The following MESP1 variants were observed in gnomAD, a reference collection of about 807,000 sequenced individuals.
MESP1 encodes mesoderm posterior bHLH transcription factor 1, also known as mesoderm posterior protein 1.
Under a neutral mutation model 15.2 loss-of-function variants are expected in MESP1, and 22 were observed. The observed-to-expected ratio is 1.45, with a 90% CI of 1.04 to 2.07. The LOEUF (loss-of-function observed/expected upper bound fraction) is 2.07, where lower values mean the gene tolerates loss of function less well. Ranked by LOEUF, MESP1 falls within the 30% of genes most tolerant of loss-of-function variation. MESP1 has a pLI of 0.00. For synonymous variants in MESP1, 216 were observed against 192.6 expected (o/e 1.12, Z -1.01); for missense variants, 484 against 411.9 (o/e 1.17, Z -1.51).
chr15:89,733,242 G>C, the MESP1 span: 4 of 1,601,660 alleles, frequency 2.5e-6, no homozygotes, highest in South Asian at 4.4e-5. Context: ...AGGGTGGGAC[G>C]GGGTAAATAA....
At position 89,751,084 on chromosome 15, in the gene MESP1, T is replaced by C; in HGVS notation, c.148A>G (p.Ser50Gly). 1.5e-6 allele frequency: 2 copies of C among 1,321,404 alleles called. No individual in the cohort carries two copies. The highest frequency in any genetic ancestry group is 1.9e-6 in the Non-Finnish European group (2 of 1,040,572). The allele number at this position is 1,321,404 out of a possible 1,614,324, so 81.9% of individuals were successfully genotyped here. The change falls in exon 1 of 2, where the codon AGC becomes GGC. Residue 50 changes from serine to glycine, a missense_variant. Physicochemically the swap from Ser to Gly is moderately conservative, Grantham distance 56. Coordinates refer to ENST00000300057, the MANE Select transcript of MESP1 (RefSeq NM_018670.4). ...GGCCGCGCGGGGCTCGCCACGGGGC[T>C]GTCGGCTGGGGTGCTGCCCCATGAG... ...PDSWGSTPAD[S>G]PVASPARPGT... is the part of the protein sequence containing the mutation.
the MESP1 span, among the ~76,000 whole-genome samples, chr15:89,733,843 C>T: frequency 6.6e-6 from 1 of 152,168 alleles, no homozygotes; most frequent in Non-Finnish European, 1.5e-5. Flanking sequence ...TTATAAGCAA[C>T]AGAAAATGGA....
chr15:89,750,989 G>A lies in MESP1; in HGVS notation c.243C>T (p.Ser81=). ...GCTCACTGGCGCTCTGCCTCTGCCC[G>A]CTGCCCAGGCGGCTGCTGCGCGCGC... ...RRGARSSRLG[S]GQRQSASERE... Residue 81 remains serine (S), a synonymous_variant, in exon 1 of 2, where the codon AGC becomes AGT. Transcript: ENST00000300057. The A allele has an allele frequency of 7.1e-7, 1 of 1,400,036 alleles. No individual in the cohort carries two copies. Among genetic ancestry groups the A allele is most frequent in the South Asian group, 1.6e-5 (1 of 63,988 alleles). 86.7% of individuals were successfully genotyped at this position (1,400,036 alleles called of 1,614,324 possible).
downstream of MESP1, chr15:89,748,968 GGGA>G (rs1567140311): frequency 6.6e-6 from 1 of 152,132 alleles, no homozygotes; most frequent in Non-Finnish European, 1.5e-5. Context: ...AGGAGAGGAG[GGGA>G]GAACTGGGTA....
At chr15:89,745,818 C>G (rs1967929343), downstream of MESP1, among the ~76,000 whole-genome samples, 1 of 151,884 alleles carries the variant, frequency 6.6e-6, no homozygotes, top group South Asian at 2.1e-4. The surrounding 1 kb of genome is among the most constrained non-coding windows in gnomAD (Gnocchi z 4.8). Context: ...TAGAGCAAGG[C>G]ATACCAATGC....
chr15:89,732,924 C>T, the MESP1 span: 1 of 1,313,444 alleles, frequency 7.6e-7, no homozygotes, highest in Non-Finnish European at 1.1e-6. Context: ...GTCCCTCACA[C>T]ACTTGCTGGT....
chr15:89,738,165 G>A, the MESP1 span: 1 of 1,614,188 alleles, frequency 6.2e-7, no homozygotes, highest in Non-Finnish European at 8.5e-7. Flanking sequence ...TTCCTCAAAG[G>A]GACTTGGATA....
Position 89,750,098 on chromosome 15 carries a change from G to A in MESP1, c.*46C>T, listed in dbSNP as rs369344953. The A allele has an allele frequency of 1.9e-6, 3 of 1,581,010 alleles. No homozygotes were observed. The highest frequency in any genetic ancestry group is 1.7e-4 in the Middle Eastern group (1 of 6,038). ...AAGGAACCACTTCGAAGGTGCTGAG[G>A]CCAAAAAGCCTCGGTGCTCACAGAG... On this transcript the variant is annotated 3_prime_UTR_variant, in exon 2 of 2. Transcript: ENST00000300057.
At chr15:89,747,867 GCTA>G (rs1201563816), downstream of MESP1, among the ~76,000 whole-genome samples, 5 of 152,222 alleles carry the variant, frequency 3.3e-5, no homozygotes, top group African/African-American at 1.2e-4. Flanking sequence ...CTGGACGCTG[GCTA>G]CTGTTGTCGG....
At chr15:89,743,172 T>A in the MESP1 span, 1 of 927,158 alleles carries the variant, frequency 1.1e-6, no homozygotes, top group Non-Finnish European at 1.7e-6. Flanking sequence ...ACAGAGGCGA[T>A]GCAGGTGTGT....
chr15:89,750,837 T>C lies in MESP1; in HGVS notation c.395A>G (p.Tyr132Cys). The change falls in exon 1 of 2, where the codon TAT becomes TGT. Residue 132 changes from tyrosine (Y) to cysteine (C), a missense_variant. Tyr to Cys is a radical substitution (Grantham distance 194). Coordinates refer to ENST00000300057, the MANE Select transcript of MESP1 (RefSeq NM_018670.4). ...KIETLRLAIR[Y>C]IGHLSAVLGL... ...TAGCACGGCCGACAGGTGGCCGATA[T>C]AGCGGATAGCCAGGCGCAGCGTCTC... 6.5e-7 allele frequency: 1 copy of C among 1,532,264 alleles called. No individual in the cohort carries two copies. The allele number at this position is 1,532,264 out of a possible 1,614,324, so 94.9% of individuals were successfully genotyped here.
the MESP1 span, among the ~76,000 whole-genome samples, chr15:89,741,726 A>G: frequency 1.3e-5 from 2 of 152,082 alleles, no homozygotes; most frequent in Admixed American, 1.3e-4. Flanking sequence ...ATAACCGGTT[A>G]TATAAATCTA....
rs774948264 is a variant in MESP1, at chr15:89,750,804, C to G, written c.428G>C (p.Ser143Thr). ...IGHLSAVLGL[S>T]EESLQRRCRQ... ...GCACCGGCGCTGGAGACTCTCCTCG[C>G]TGAGGCCTAGCACGGCCGACAGGTG... Residue 143 changes from serine (S) to threonine (T), a missense_variant, in exon 1 of 2, where the codon AGC becomes ACC. Transcript: ENST00000300057. The G allele has an allele frequency of 2.9e-5, 45 of 1,526,256 alleles. 1 individual carries two copies. The Middle Eastern group carries it at 8.5e-4, about 29-fold the overall frequency. The allele number at this position is 1,526,256 out of a possible 1,614,324, so 94.5% of individuals were successfully genotyped here.
chr15:89,733,235 G>A, the MESP1 span: 1 of 1,605,626 alleles, frequency 6.2e-7, no homozygotes, highest in Non-Finnish European at 8.5e-7. Context: ...TAGCTTGAGG[G>A]TGGGACGGGG....
chr15:89,746,568 G>A (rs1447781458), downstream of MESP1, among the ~76,000 whole-genome samples: 1 of 96,850 alleles, frequency 1.0e-5, no homozygotes, highest in Non-Finnish European at 2.1e-5. Flanking sequence ...CATACACACA[G>A]CCCTGCCTCC....
chr15:89,750,017 G>T lies in MESP1; in HGVS notation c.*127C>A. On this transcript the variant is annotated 3_prime_UTR_variant, in exon 2 of 2. Coordinates refer to ENST00000300057, the MANE Select transcript of MESP1 (RefSeq NM_018670.4). The stretch of plus-strand genomic sequence containing the variant: ...GCCGCGGTGGGGACGGCTCTCACCC[G>T]CAGGAATGCCCCCGTCGGGATCGCC... 2 of 924,660 alleles carry T rather than the reference G, an allele frequency of 2.2e-6. No homozygotes were observed. The highest frequency in any genetic ancestry group is 3.5e-6 in the Non-Finnish European group (2 of 571,380). The allele number at this position is 924,660 out of a possible 1,614,324, so 57.3% of individuals were successfully genotyped here.
downstream of MESP1, among the ~76,000 whole-genome samples, chr15:89,745,832 G>A (rs1443169539): frequency 6.6e-6 from 1 of 151,126 alleles, no homozygotes; most frequent in Non-Finnish European, 1.5e-5. This position sits in a 1 kb window ranked among gnomAD's most constrained non-coding sequence, Gnocchi z 4.8. Context: ...CCAATGCCCA[G>A]GTGCAGCATC....
chr15:89,735,641 T>C, the MESP1 span: 35 of 1,385,840 alleles, frequency 2.5e-5, no homozygotes, highest in Non-Finnish European at 3.3e-5. Flanking sequence ...AAAATGCTTA[T>C]TGAAGGCCTG....
At chr15:89,748,462 A>C (rs1313715940), downstream of MESP1, among the ~76,000 whole-genome samples, 1 of 152,226 alleles carries the variant, frequency 6.6e-6, no homozygotes, top group East Asian at 1.9e-4. Flanking sequence ...CCCGGGCCGG[A>C]GTACTGGAAG....
Sources: allele counts gnomAD v4.1 joint callset (sites outside exome capture counted in the v4.1 genomes callset), GRCh38; gene constraint gnomAD v4.1.1; non-coding constraint Gnocchi (gnomAD v3.1); transcripts MANE v1.5; gene names NCBI Gene and HGNC (gene_info 2026-07-23, HGNC 2026-07-21).